TANC2: variants seen among roughly 807,000 people sequenced by gnomAD.
TANC2 encodes protein TANC2.
Under a neutral mutation model 210.5 loss-of-function variants are expected in TANC2, and 26 were observed. The observed-to-expected ratio is 0.12, with a 90% confidence interval of 0.09 to 0.17. TANC2 has a LOEUF of 0.17. TANC2 is among the 10% of genes least tolerant of loss of function. The pLI is 1.00. For synonymous variants in TANC2, 931 were observed against 967.1 expected (o/e 0.96, Z 0.69); for missense variants, 2,129 against 2,608.9 (o/e 0.82, Z 4.01).
chr17:63,173,731 C>T (rs1479252405), intron 5 of TANC2, among the ~76,000 whole-genome samples: 1 of 152,146 alleles, frequency 6.6e-6, no homozygotes, highest in Non-Finnish European at 1.5e-5. Context: ...GGGTGATCTT[C>T]ACTTCATGCC....
Position 63,082,229 on chromosome 17 carries a change from C to T in TANC2, c.139+8215C>T, listed in dbSNP as rs549038741. On this transcript the variant is annotated intron_variant, in intron 3 of 27. Coordinates refer to ENST00000689528, the Ensembl canonical transcript of TANC2. ...TAGAAAGATTTTATTTTAAAATATT[C>T]TTATGTGAATTTTTCTGGTAAGAGA... Among the ~76,000 whole-genome samples, 238 of 151,026 alleles carry T rather than the reference C, an allele frequency of 1.6e-3. 1 individual carries two copies. The highest frequency in any genetic ancestry group is 5.6e-3 in the African/African-American group (230 of 41,438).
intron 8 of TANC2, among the ~76,000 whole-genome samples, chr17:63,256,959 G>A (rs2043212662): frequency 6.6e-6 from 1 of 151,566 alleles, no homozygotes; most frequent in African/African-American, 2.4e-5. Flanking sequence ...CCATTTACAT[G>A]GAATATCTTT....
At chr17:63,069,506 A>G (rs1188438080) in intron 2 of TANC2, among the ~76,000 whole-genome samples, 1 of 152,214 alleles carries the variant, frequency 6.6e-6, no homozygotes, top group Non-Finnish European at 1.5e-5. Flanking sequence ...AGAAGATGTT[A>G]CTTTGACCTC....
intron 11 of TANC2, among the ~76,000 whole-genome samples, chr17:63,326,593 A>G (rs754249035): frequency 3.9e-5 from 6 of 152,020 alleles, no homozygotes; most frequent in Admixed American, 6.6e-5. Context: ...AGCTGAGCGT[A>G]ATGACAAGTG....
intron 9 of TANC2, among the ~76,000 whole-genome samples, chr17:63,292,279 A>G (rs760449881): frequency 4.6e-5 from 7 of 152,198 alleles, no homozygotes; most frequent in African/African-American, 7.2e-5. Flanking sequence ...AAAGATGGGC[A>G]GAAAGCAGGA....
intron 2 of TANC2, among the ~76,000 whole-genome samples, chr17:63,042,059 G>A (rs914641156): frequency 1.3e-5 from 2 of 152,066 alleles, no homozygotes; most frequent in African/African-American, 4.8e-5. Flanking sequence ...TATTATTCTT[G>A]GCTAGATAGT....
In TANC2 at chr17:63,418,651, A is replaced by G. The variant is rs2048937632; in HGVS notation, c.4268+244A>G. Among the ~76,000 whole-genome samples the G allele has an allele frequency of 6.6e-6, 1 of 152,216 alleles. No individual in the cohort carries two copies. Among genetic ancestry groups the G allele is most frequent in the Non-Finnish European group, 1.5e-5 (1 of 68,040 alleles). ...AAACACTTTTTCACTGGAGAATGGC[A>G]GCTTCTTCCAAGAAGCCTCTGCCGT... On this transcript the variant is annotated intron_variant, in intron 27 of 27. Transcript: ENST00000689528. This position sits in a 1 kb window ranked among gnomAD's most constrained non-coding sequence, Gnocchi z 4.6.
intron 7 of TANC2, among the ~76,000 whole-genome samples, chr17:63,214,538 G>C (rs2041973151): frequency 6.6e-6 from 1 of 152,180 alleles, no homozygotes; most frequent in South Asian, 2.1e-4. Flanking sequence ...TGGAGGCTGG[G>C]AAGTCCAAGA....
chr17:63,340,805 A>C (rs1235276759), intron 12 of TANC2, among the ~76,000 whole-genome samples: 1 of 152,226 alleles, frequency 6.6e-6, no homozygotes, highest in East Asian at 1.9e-4. Flanking sequence ...TTAACTGTAC[A>C]CTTTAAAATC....
At chr17:63,168,283 A>G (rs2040285438) in intron 5 of TANC2, among the ~76,000 whole-genome samples, 1 of 152,154 alleles carries the variant, frequency 6.6e-6, no homozygotes, top group African/African-American at 2.4e-5. Flanking sequence ...AGAAACACAT[A>G]CTTTTCAAGA....
intron 4 of TANC2, among the ~76,000 whole-genome samples, chr17:63,109,695 A>G (rs966649164): frequency 2.6e-5 from 4 of 151,754 alleles, no homozygotes; most frequent in Non-Finnish European, 4.4e-5. Flanking sequence ...TTTAATCTTC[A>G]CAGCAAACTT....
At chr17:63,148,290 G>A (rs990040195) in intron 4 of TANC2, 2 of 152,102 alleles carry the variant, frequency 1.3e-5, no homozygotes, top group Non-Finnish European at 2.9e-5. Context: ...ACTAGTCCAT[G>A]TATTAATAAA....
At chr17:63,237,816 A>T in exon 8 of TANC2, 1 of 1,536,222 alleles carries the variant, frequency 6.5e-7, no homozygotes, top group Admixed American at 2.1e-5. Context: ...TTTTTCAGCT[A>T]CATTAACAAG....
intron 26 of TANC2, 82 bp downstream of exon 26, chr17:63,415,756 T>C: frequency 6.6e-7 from 1 of 1,523,736 alleles, no homozygotes; most frequent in South Asian, 1.2e-5. Flanking sequence ...ACCAGGCCCC[T>C]GAAATCCTCC....
chr17:63,207,237 A>T (rs1190261598), intron 7 of TANC2, among the ~76,000 whole-genome samples: 4 of 114,340 alleles, frequency 3.5e-5, no homozygotes, highest in African/African-American at 3.6e-5. Context: ...TTTTTTTGAG[A>T]CAGAGTCTCG....
intron 8 of TANC2, among the ~76,000 whole-genome samples, chr17:63,254,210 A>T (rs2043126968): frequency 6.6e-6 from 1 of 151,766 alleles, no homozygotes; most frequent in African/African-American, 2.4e-5. Flanking sequence ...ATTCTACTTA[A>T]ATGTATTCCT....
At chr17:63,018,281 C>T (rs1040858033) in intron 2 of TANC2, among the ~76,000 whole-genome samples, 30 of 151,698 alleles carry the variant, frequency 2.0e-4, no homozygotes, top group African/African-American at 5.3e-4. Context: ...ACCGGGAAGT[C>T]GGGGTTCAAG....
chr17:63,235,134 A>G (rs1020873358), intron 7 of TANC2, among the ~76,000 whole-genome samples: 3 of 151,944 alleles, frequency 2.0e-5, no homozygotes, highest in African/African-American at 7.2e-5. Context: ...TTACTTTTCA[A>G]TTCTTTATTT....
intron 2 of TANC2, among the ~76,000 whole-genome samples, chr17:63,012,689 T>C (rs1352523417): frequency 6.6e-6 from 1 of 152,178 alleles, no homozygotes; most frequent in East Asian, 1.9e-4. Context: ...TTTTGCTCTG[T>C]CACCCAGGCT....
Sources: gnomAD v4.1 joint callset for allele counts (sites outside exome capture counted in the v4.1 genomes callset) on GRCh38, gnomAD v4.1.1 for gene constraint, Gnocchi (gnomAD v3.1) non-coding constraint, MANE v1.5 for transcripts, NCBI Gene and HGNC (gene_info 2026-07-23, HGNC 2026-07-21) for gene names.